XIRP2: variants seen among roughly 807,000 people sequenced by gnomAD.
The protein encoded by XIRP2 is xin actin-binding repeat-containing protein 2.
XIRP2 carries 236 observed loss-of-function variants against 277.0 expected under a neutral mutation model. The ratio of observed to expected loss-of-function variants is 0.85; its 90% CI spans 0.77 to 0.95. The LOEUF is 0.95. Ranked by LOEUF, XIRP2 falls within the 40% of genes least tolerant of loss-of-function variation. The pLI is 0.00. For missense variants in XIRP2, 4,640 were observed against 4,157.5 expected (o/e 1.12, Z -3.19); for synonymous variants, 1,490 against 1,416.5 (o/e 1.05, Z -1.17).
chr2:167,036,779 T>C (rs868759373), intron 2 of XIRP2, among the ~76,000 whole-genome samples: 7 of 152,108 alleles, frequency 4.6e-5, no homozygotes, highest in Non-Finnish European at 8.8e-5. Context: ...GAATTTTATC[T>C]CCCAGAATTC....
At chr2:167,018,428 A>G (rs1055695534) in intron 2 of XIRP2, among the ~76,000 whole-genome samples, 1 of 152,072 alleles carries the variant, frequency 6.6e-6, no homozygotes, top group African/African-American at 2.4e-5. Flanking sequence ...ACAAATGTAA[A>G]GAATAAAGGG....
At chr2:167,147,846 G>C (rs1340251084) in intron 3 of XIRP2, among the ~76,000 whole-genome samples, 1 of 152,002 alleles carries the variant, frequency 6.6e-6, no homozygotes. Flanking sequence ...CTGGACACGG[G>C]GATTTAAAAC....
chr2:166,965,088 AT>A (rs1686395106), intron 2 of XIRP2, among the ~76,000 whole-genome samples: 2 of 151,914 alleles, frequency 1.3e-5, no homozygotes, highest in Admixed American at 1.3e-4. Flanking sequence ...AAGTGCTGCA[AT>A]GCAAAAGTGA....
At chr2:166,899,087 AT>A (rs1181684395) in intron 1 of XIRP2, among the ~76,000 whole-genome samples, 2 of 151,652 alleles carry the variant, frequency 1.3e-5, no homozygotes, top group Non-Finnish European at 2.9e-5. Context: ...TCTCTCTTTC[AT>A]TTTTCATGTC....
chr2:167,232,442 GAA>G (rs76083331), intron 5 of XIRP2, among the ~76,000 whole-genome samples: 1 of 150,672 alleles, frequency 6.6e-6, no homozygotes, highest in Non-Finnish European at 1.5e-5. Context: ...CTCTGGTGGA[GAA>G]AAAAAAATGT....
intron 2 of XIRP2, among the ~76,000 whole-genome samples, chr2:166,968,698 A>G (rs1398608299): frequency 2.0e-5 from 3 of 152,006 alleles, no homozygotes; most frequent in African/African-American, 7.2e-5. Context: ...TTTCAAGAGT[A>G]TGTATAAATC....
chr2:166,979,685 T>C (rs1481289091), intron 2 of XIRP2, among the ~76,000 whole-genome samples: 2 of 152,182 alleles, frequency 1.3e-5, no homozygotes, highest in Admixed American at 6.5e-5. Flanking sequence ...ATGAATTGTA[T>C]TGACAGCTTT....
At chr2:167,172,809 C>T (rs1045249538) in intron 3 of XIRP2, among the ~76,000 whole-genome samples, 1 of 152,016 alleles carries the variant, frequency 6.6e-6, no homozygotes, top group Admixed American at 6.6e-5. Flanking sequence ...ATCACAGGGT[C>T]CTGAGGTGAC....
At chr2:167,087,736 C>A (rs551061478) in intron 2 of XIRP2, among the ~76,000 whole-genome samples, 1 of 151,606 alleles carries the variant, frequency 6.6e-6, no homozygotes, top group Non-Finnish European at 1.5e-5. Flanking sequence ...TTCTTTGACT[C>A]GGAAAGGGAA....
chr2:167,105,157 A>G (rs944122711), intron 2 of XIRP2, among the ~76,000 whole-genome samples: 1 of 151,982 alleles, frequency 6.6e-6, no homozygotes, highest in Non-Finnish European at 1.5e-5. Flanking sequence ...AAGAGATCCC[A>G]TGCACCCTTT....
intron 3 of XIRP2, among the ~76,000 whole-genome samples, chr2:167,144,371 G>A (rs940006269): frequency 6.6e-6 from 1 of 151,880 alleles, no homozygotes; most frequent in Admixed American, 6.6e-5. Context: ...AGTATATGAG[G>A]ACTCATAACA....
chr2:167,093,887 A>T, intron 2 of XIRP2, among the ~76,000 whole-genome samples: 1 of 152,072 alleles, frequency 6.6e-6, no homozygotes, highest in East Asian at 1.9e-4. Flanking sequence ...TTGAGGAATC[A>T]CCACTCTGTC....
chr2:167,199,703 G>T (rs569167918), intron 3 of XIRP2, among the ~76,000 whole-genome samples: 1 of 152,118 alleles, frequency 6.6e-6, no homozygotes, highest in Non-Finnish European at 1.5e-5. Flanking sequence ...CCTGCCTACC[G>T]TCTCTCCATG....
At chr2:167,007,703 T>A (rs200491494) in intron 2 of XIRP2, among the ~76,000 whole-genome samples, 15,803 of 129,956 alleles carry the variant, frequency 0.12, 1,312 homozygotes, top group East Asian at 0.46. Context: ...TCTCTCTCTC[T>A]CACACACACA....
rs777345247 is a variant in XIRP2, at chr2:167,247,819, A to G, written c.6427A>G (p.Ser2143Gly). The G allele has an allele frequency of 1.9e-6, 3 of 1,613,490 alleles. No individual in the cohort carries two copies. Among genetic ancestry groups the G allele is most frequent in the South Asian group, 2.2e-5 (2 of 90,998 alleles). Residue 2143 changes from serine (S) to glycine (G), a missense_variant, in exon 9 of 11, where the codon AGT becomes GGT. Coordinates refer to ENST00000409195, the MANE Select transcript of XIRP2 (RefSeq NM_152381.6). Reference sequence around the variant, plus strand: ...GAAAATGGAGGGTTTTCATATAAAGAGTCCTAAAAAGACCAAAAATATTAA... The same window carrying G: ...GAAAATGGAGGGTTTTCATATAAAGGGTCCTAAAAAGACCAAAAATATTAA... The part of the protein sequence containing the change: ...HQKMEGFHIK[S>G]PKKTKNIKIL...
chr2:167,226,138 C>T (rs1451062995), intron 5 of XIRP2, among the ~76,000 whole-genome samples: 2 of 152,150 alleles, frequency 1.3e-5, no homozygotes, highest in Non-Finnish European at 2.9e-5. Context: ...TTCAATTCTG[C>T]AAGAAGTGGA....
intron 3 of XIRP2, among the ~76,000 whole-genome samples, chr2:167,138,543 T>C (rs574154096): frequency 3.4e-4 from 52 of 152,326 alleles, no homozygotes; most frequent in Non-Finnish European, 6.5e-4. Flanking sequence ...AAATAAACCA[T>C]AGTGCTCCCG....
chr2:166,942,590 G>A (rs1685749298), intron 2 of XIRP2, among the ~76,000 whole-genome samples: 1 of 152,148 alleles, frequency 6.6e-6, no homozygotes, highest in Non-Finnish European at 1.5e-5. Context: ...TCAAACCACA[G>A]CATCAAATTT....
chr2:167,254,313 G>T (rs1695601681), intron 10 of XIRP2, 148 bp downstream of exon 10: 1 of 1,040,286 alleles, frequency 9.6e-7, no homozygotes, highest in Non-Finnish European at 1.3e-6. Context: ...CATGTTCTGT[G>T]ATGTATTTCT....
Sources: gnomAD v4.1 joint callset for allele counts (sites outside exome capture counted in the v4.1 genomes callset) on GRCh38, gnomAD v4.1.1 for gene constraint, MANE v1.5 for transcripts, NCBI Gene and HGNC (gene_info 2026-07-23, HGNC 2026-07-21) for gene names.